The following WAC variants were observed in gnomAD, a reference collection of about 807,000 sequenced individuals.
WAC encodes the protein WW domain containing adaptor with coiled-coil.
WAC carries 11 observed loss-of-function variants against 79.6 expected under a neutral mutation model. The ratio of observed to expected loss-of-function variants is 0.14; its 90% CI spans 0.09 to 0.23. The LOEUF (loss-of-function observed/expected upper bound fraction) is 0.23, where lower values mean the gene tolerates loss of function less well. WAC is among the 10% of genes least tolerant of loss of function. The probability of loss-of-function intolerance (pLI) is 1.00; values close to 1 mark genes in which losing one functional copy is unlikely to be tolerated. For synonymous variants in WAC, 304 were observed against 276.9 expected (o/e 1.10, Z -0.97); for missense variants, 728 against 773.5 (o/e 0.94, Z 0.70).
intron 3 of WAC, among the ~76,000 whole-genome samples, chr10:28,582,661 C>G (rs1839598004): frequency 6.6e-6 from 1 of 152,178 alleles, no homozygotes; most frequent in Non-Finnish European, 1.5e-5. Flanking sequence ...CATTAGACTT[C>G]TGTGGTGAAC....
chr10:28,605,250 C>T (rs944809983), intron 7 of WAC, among the ~76,000 whole-genome samples: 11 of 152,168 alleles, frequency 7.2e-5, no homozygotes, highest in African/African-American at 2.4e-4. Context: ...TAAAAGGAAC[C>T]TTGGAGGTTC....
chr10:28,569,289 G>A (rs1024007661), intron 3 of WAC, among the ~76,000 whole-genome samples: 1 of 152,122 alleles, frequency 6.6e-6, no homozygotes, highest in Non-Finnish European at 1.5e-5. Context: ...CTTGTGCCTG[G>A]TGGTAAATGA....
intron 7 of WAC, among the ~76,000 whole-genome samples, chr10:28,602,881 A>G (rs553317099): frequency 2.0e-5 from 3 of 152,246 alleles, no homozygotes; most frequent in Non-Finnish European, 4.4e-5. Flanking sequence ...ATTTATAATT[A>G]TAAAGCATTA....
chr10:28,607,499 A>G (rs746095849), intron 7 of WAC, among the ~76,000 whole-genome samples: 21 of 152,192 alleles, frequency 1.4e-4, no homozygotes, highest in Non-Finnish European at 2.5e-4. Flanking sequence ...TATTTTATAC[A>G]TCCTTTATTT....
chr10:28,565,281 A>T (rs950699458), intron 3 of WAC, among the ~76,000 whole-genome samples: 11 of 152,208 alleles, frequency 7.2e-5, no homozygotes, highest in African/African-American at 2.2e-4. Flanking sequence ...TCATGTACAG[A>T]TTCTTGTGTG....
At chr10:28,576,753 T>C (rs1251387457) in intron 3 of WAC, among the ~76,000 whole-genome samples, 1 of 152,204 alleles carries the variant, frequency 6.6e-6, no homozygotes, top group Non-Finnish European at 1.5e-5. Context: ...TTTCACTAAA[T>C]ATCAGCTCAC....
chr10:28,569,426 C>T (rs1458332802), intron 3 of WAC, among the ~76,000 whole-genome samples: 2 of 152,206 alleles, frequency 1.3e-5, no homozygotes, highest in Non-Finnish European at 2.9e-5. Flanking sequence ...ATTTTAAAGA[C>T]ATAAACATTT....
chr10:28,607,597 A>G (rs1256804232), intron 7 of WAC, among the ~76,000 whole-genome samples: 6 of 152,208 alleles, frequency 3.9e-5, no homozygotes, highest in Non-Finnish European at 5.9e-5. Flanking sequence ...TGCCTTATAT[A>G]TTGAATTACA....
intron 13 of WAC, among the ~76,000 whole-genome samples, chr10:28,619,010 G>T (rs925415408): frequency 6.6e-6 from 1 of 152,246 alleles, no homozygotes; most frequent in African/African-American, 2.4e-5. Flanking sequence ...TGGGCGCGGT[G>T]GCTAACGCCT....
chr10:28,556,206 G>A (rs1031773955), intron 3 of WAC, among the ~76,000 whole-genome samples: 1 of 151,766 alleles, frequency 6.6e-6, no homozygotes, highest in African/African-American at 2.4e-5. Context: ...TCCCTCCTCT[G>A]CACCCTCACC....
At chr10:28,582,442 A>C (rs1206978839) in intron 3 of WAC, among the ~76,000 whole-genome samples, 2 of 152,118 alleles carry the variant, frequency 1.3e-5, no homozygotes, top group Non-Finnish European at 2.9e-5. Context: ...TAATATTCCT[A>C]ACTCATTTCT....
chr10:28,571,766 A>C (rs927232700), intron 3 of WAC, among the ~76,000 whole-genome samples: 1 of 152,166 alleles, frequency 6.6e-6, no homozygotes, highest in African/African-American at 2.4e-5. Context: ...AATTACTTGG[A>C]GACACCTATG....
At chr10:28,585,639 T>C (rs544571003) in intron 4 of WAC, among the ~76,000 whole-genome samples, 2 of 152,178 alleles carry the variant, frequency 1.3e-5, no homozygotes, top group African/African-American at 4.8e-5. Context: ...TTCAGGATTT[T>C]AGAATGAATC....
At chr10:28,573,858 C>A (rs1455830849) in intron 3 of WAC, among the ~76,000 whole-genome samples, 1 of 151,782 alleles carries the variant, frequency 6.6e-6, no homozygotes, top group Admixed American at 6.6e-5. Context: ...ACTGTCATCC[C>A]CCAACACCCC....
At chr10:28,569,957 T>C (rs1838855250) in intron 3 of WAC, among the ~76,000 whole-genome samples, 1 of 152,226 alleles carries the variant, frequency 6.6e-6, no homozygotes, top group Non-Finnish European at 1.5e-5. Flanking sequence ...TCAATGGCTC[T>C]ATCCAAAAAT....
In WAC at chr10:28,622,484, TGTC is replaced by T. The variant is rs1354670012; in HGVS notation, c.*2881_*2883del. ...GTAGTCTCTATTCAAACTTTTAAAA[TGTC>T]GTGGTATTGTAACAATATATTTGAT... On this transcript the variant is annotated 3_prime_UTR_variant, in exon 14 of 14. Coordinates refer to ENST00000354911, the MANE Select transcript of WAC (RefSeq NM_016628.5). 1 of 130,160 alleles carries T rather than the reference TGTC, an allele frequency of 7.7e-6. No individual in the cohort carries two copies. The highest frequency in any genetic ancestry group is 1.6e-5 in the Non-Finnish European group (1 of 64,448). 8.1% of individuals were successfully genotyped at this position (130,160 alleles called of 1,614,324 possible). A position where few individuals can be genotyped will look rare whatever the true frequency, so the allele number is the denominator to read the frequency against.
intron 8 of WAC, among the ~76,000 whole-genome samples, chr10:28,609,898 C>T (rs1268843251): frequency 6.7e-6 from 1 of 149,456 alleles, no homozygotes; most frequent in African/African-American, 2.5e-5. Flanking sequence ...ATATCTTACA[C>T]ATCAAAAATA....
In WAC at chr10:28,610,689, A is replaced by G; in HGVS notation, c.1166-10A>G. 6.2e-7 allele frequency: 1 copy of G among 1,602,674 alleles called. No homozygotes were observed. Among genetic ancestry groups the G allele is most frequent in the Non-Finnish European group, 8.5e-7 (1 of 1,177,006 alleles). On this transcript the variant is annotated splice_polypyrimidine_tract_variant and intron_variant, in intron 8 of 13. Coordinates refer to ENST00000354911, the MANE Select transcript of WAC (RefSeq NM_016628.5). ...TTTTTATATGAATGTATGAAATAAT[A>G]TGTTTTTAGTTCTTACAGCAGCTGT...
At chr10:28,610,675 A>G in intron 8 of WAC, 24 bp from the exon 9 acceptor site, 5 of 1,592,148 alleles carry the variant, frequency 3.1e-6, no homozygotes, top group Non-Finnish European at 4.3e-6. Flanking sequence ...TTTTATATGA[A>G]TGTATGAAAT....
Sources: allele counts gnomAD v4.1 joint callset (sites outside exome capture counted in the v4.1 genomes callset), GRCh38; gene constraint gnomAD v4.1.1; transcripts MANE v1.5; gene names NCBI Gene and HGNC (gene_info 2026-07-23, HGNC 2026-07-21).